Variants in RFX4 observed in about 807,000 individuals in gnomAD.
RFX4 encodes the protein regulatory factor X4.
In RFX4, 10 loss-of-function variants were observed where a neutral mutation model predicts 95.0. The ratio of observed to expected loss-of-function variants is 0.11; its 90% CI spans 0.06 to 0.18. RFX4 has a LOEUF of 0.18. RFX4 is among the 10% of genes least tolerant of loss of function. The probability of loss-of-function intolerance (pLI) is 1.00; values close to 1 mark genes in which losing one functional copy is unlikely to be tolerated. For synonymous variants in RFX4, 321 were observed against 340.7 expected, an observed-to-expected ratio of 0.94 and a Z score of 0.64; for missense variants, 640 against 922.0, an observed-to-expected ratio of 0.69 and a Z score of 3.96.
At chr12:106,602,142 C>A (rs2039724813) in intron 1 of RFX4, among the ~76,000 whole-genome samples, 1 of 152,248 alleles carries the variant, frequency 6.6e-6, no homozygotes, top group African/African-American at 2.4e-5. Flanking sequence ...CAACTAGCTT[C>A]TCTGGATCTG....
intron 2 of RFX4, among the ~76,000 whole-genome samples, chr12:106,610,023 T>C (rs753633211): frequency 2.0e-5 from 3 of 152,300 alleles, no homozygotes; most frequent in Middle Eastern, 3.4e-3. Flanking sequence ...TTTTCATTGC[T>C]GTATAGTATT....
At chr12:106,630,495 A>G (rs1178514345) in intron 2 of RFX4, among the ~76,000 whole-genome samples, 1 of 152,202 alleles carries the variant, frequency 6.6e-6, no homozygotes, top group Non-Finnish European at 1.5e-5. Context: ...GCTGATGCCC[A>G]CTGCCAAAGG....
chr12:106,720,714 G>A lies in RFX4; in HGVS notation c.1234-45G>A, dbSNP rs1338103580. On this transcript the variant is annotated intron_variant, in intron 12 of 17. Coordinates refer to ENST00000392842, the MANE Select transcript of RFX4 (RefSeq NM_213594.3). The surrounding 1 kb of genome is among the most constrained non-coding windows in gnomAD (Gnocchi z 4.2). ...ATTTTTCAAAGAGACAGTAATAAAT[G>A]AAAGGTCAAGTCGACCACTATTAAA... 3 of 1,564,838 alleles carry A rather than the reference G, an allele frequency of 1.9e-6. No individual in the cohort carries two copies. Among genetic ancestry groups the A allele is most frequent in the Non-Finnish European group, 2.6e-6 (3 of 1,135,536 alleles).
At chr12:106,623,307 G>A (rs2040223388) in intron 2 of RFX4, among the ~76,000 whole-genome samples, 1 of 152,100 alleles carries the variant, frequency 6.6e-6, no homozygotes, top group Admixed American at 6.6e-5. Flanking sequence ...ACAGGCATGA[G>A]CCACTGTGCC....
At position 106,761,905 on chromosome 12, in the gene RFX4, G is replaced by C. The variant is rs1437925815; in HGVS notation, c.*436G>C. 6.5e-6 allele frequency: 1 copy of C among 153,394 alleles called. No individual in the cohort carries two copies. The highest frequency in any genetic ancestry group is 1.5e-5 in the Non-Finnish European group (1 of 68,690). The allele number at this position is 153,394 out of a possible 1,614,324, so 9.5% of individuals were successfully genotyped here. A position where few individuals can be genotyped will look rare whatever the true frequency, so the allele number is the denominator to read the frequency against. ...TGGATGGGCACATAATTTACCAAGA[G>C]CATTCACCTTGCCATCTGTCTTGTC... On this transcript the variant is annotated 3_prime_UTR_variant, in exon 18 of 18. Transcript: ENST00000392842.
intron 2 of RFX4, among the ~76,000 whole-genome samples, 170 bp from the exon 3 acceptor site, chr12:106,639,162 T>C (rs2040568829): frequency 6.6e-6 from 1 of 152,224 alleles, no homozygotes; most frequent in Non-Finnish European, 1.5e-5. Flanking sequence ...TTTCCCCTTT[T>C]TAGTATTAAA....
At chr12:106,729,955 T>C (rs1285507110) in intron 13 of RFX4, among the ~76,000 whole-genome samples, 2 of 152,192 alleles carry the variant, frequency 1.3e-5, no homozygotes, top group Non-Finnish European at 2.9e-5. Context: ...GAGCAGAACC[T>C]GGACTTTGCT....
intron 11 of RFX4, among the ~76,000 whole-genome samples, chr12:106,717,083 C>G (rs2042308967): frequency 6.6e-6 from 1 of 151,742 alleles, no homozygotes; most frequent in African/African-American, 2.4e-5. Context: ...ATCATCCTTC[C>G]TCTTCTGCTT....
intron 1 of RFX4, among the ~76,000 whole-genome samples, chr12:106,592,351 C>G (rs1484515639): frequency 6.6e-6 from 1 of 152,152 alleles, no homozygotes; most frequent in Non-Finnish European, 1.5e-5. Flanking sequence ...CTCCACCTTT[C>G]CCATGAAGAA....
intron 3 of RFX4, among the ~76,000 whole-genome samples, chr12:106,648,685 G>A (rs4964183): frequency 6.2e-4 from 90 of 145,420 alleles, no homozygotes; most frequent in Non-Finnish European, 1.2e-3. Context: ...TGACATGTGT[G>A]CAAGAACTTG....
chr12:106,687,827 G>A (rs2041692684), intron 6 of RFX4, among the ~76,000 whole-genome samples: 1 of 151,932 alleles, frequency 6.6e-6, no homozygotes, highest in Admixed American at 6.6e-5. Context: ...CTACCTACCT[G>A]TCCTATGATC....
intron 15 of RFX4, among the ~76,000 whole-genome samples, chr12:106,746,940 C>A (rs2042907599): frequency 6.6e-6 from 1 of 152,198 alleles, no homozygotes; most frequent in Admixed American, 6.5e-5. Context: ...CAGTCAGGAT[C>A]TGTACTAAGC....
chr12:106,710,910 A>G (rs2042180619), intron 9 of RFX4, among the ~76,000 whole-genome samples: 1 of 152,206 alleles, frequency 6.6e-6, no homozygotes, highest in Non-Finnish European at 1.5e-5. Context: ...AGCTGCAGTC[A>G]TCATCAAAAC....
intron 1 of RFX4, among the ~76,000 whole-genome samples, chr12:106,600,737 T>C (rs1337914098): frequency 6.6e-6 from 1 of 152,086 alleles, no homozygotes; most frequent in Admixed American, 6.6e-5. Flanking sequence ...CCTGCTGCTC[T>C]CCCCACCTCC....
At chr12:106,726,890 G>A (rs2042509595) in intron 13 of RFX4, among the ~76,000 whole-genome samples, 1 of 152,078 alleles carries the variant, frequency 6.6e-6, no homozygotes, top group Non-Finnish European at 1.5e-5. Context: ...TCATGCCTCA[G>A]CCTCCCAAGT....
chr12:106,711,705 G>A (rs775912177), intron 10 of RFX4, among the ~76,000 whole-genome samples, 194 bp downstream of exon 10: 1 of 152,112 alleles, frequency 6.6e-6, no homozygotes, highest in Non-Finnish European at 1.5e-5. Flanking sequence ...ATAATTTCTG[G>A]TATCAGTTGC....
chr12:106,634,390 G>T (rs182160451), intron 2 of RFX4, among the ~76,000 whole-genome samples: 2 of 152,064 alleles, frequency 1.3e-5, no homozygotes, highest in African/African-American at 2.4e-5. Flanking sequence ...CCTCCTGGCC[G>T]GCCAGGCACA....
intron 11 of RFX4, among the ~76,000 whole-genome samples, chr12:106,717,443 C>A (rs909797751): frequency 1.3e-5 from 2 of 152,234 alleles, no homozygotes; most frequent in African/African-American, 2.4e-5. Flanking sequence ...GAGGTCACTG[C>A]TGCCTCTCTC....
At chr12:106,615,057 G>A (rs866302027) in intron 2 of RFX4, among the ~76,000 whole-genome samples, 3 of 152,078 alleles carry the variant, frequency 2.0e-5, no homozygotes, top group Middle Eastern at 3.4e-3. Flanking sequence ...AGAAATTTTT[G>A]CTTACCTGAA....
Sources: gnomAD v4.1 joint callset for allele counts (sites outside exome capture counted in the v4.1 genomes callset) on GRCh38, gnomAD v4.1.1 for gene constraint, Gnocchi (gnomAD v3.1) non-coding constraint, MANE v1.5 for transcripts, NCBI Gene and HGNC (gene_info 2026-07-23, HGNC 2026-07-21) for gene names.